SEMA3D: variants seen among roughly 807,000 people sequenced by gnomAD.
SEMA3D encodes the protein semaphorin-3D.
In SEMA3D, 84 loss-of-function variants were observed where a neutral mutation model predicts 100.1. The observed-to-expected ratio is 0.84, with a 90% confidence interval of 0.70 to 1.01. SEMA3D has a LOEUF of 1.01. SEMA3D is among the 50% of genes least tolerant of loss of function. SEMA3D has a pLI of 0.00. For missense variants in SEMA3D, 875 were observed against 934.1 expected (o/e 0.94, Z 0.82); for synonymous variants, 312 against 320.7 (o/e 0.97, Z 0.29).
chr7:85,192,475 C>T, the SEMA3D span, among the ~76,000 whole-genome samples: 1 of 152,028 alleles, frequency 6.6e-6, no homozygotes, highest in African/African-American at 2.4e-5. Context: ...GCTAGTAGGG[C>T]ACTTCTAATC....
chr7:85,052,662 T>C (rs1791199714), intron 9 of SEMA3D, among the ~76,000 whole-genome samples: 1 of 151,962 alleles, frequency 6.6e-6, no homozygotes, highest in Non-Finnish European at 1.5e-5. Flanking sequence ...CTCATAACTC[T>C]ATCACATCAC....
chr7:85,229,927 G>GA, the SEMA3D span, among the ~76,000 whole-genome samples: 2 of 151,742 alleles, frequency 1.3e-5, no homozygotes, highest in South Asian at 2.1e-4. Flanking sequence ...CAAAATAAAA[G>GA]AAAAAAACTC....
chr7:85,099,558 G>A (rs1788680639), intron 3 of SEMA3D, among the ~76,000 whole-genome samples: 1 of 151,832 alleles, frequency 6.6e-6, no homozygotes, highest in Non-Finnish European at 1.5e-5. Context: ...TTATACTAAG[G>A]AGCATGACTG....
At chr7:85,126,000 G>C (rs1718244725) in intron 2 of SEMA3D, among the ~76,000 whole-genome samples, 1 of 151,984 alleles carries the variant, frequency 6.6e-6, no homozygotes, top group Admixed American at 6.6e-5. Context: ...CAGCACTCTT[G>C]GGAATCTTCA....
chr7:85,110,675 G>T (rs1789069426), intron 3 of SEMA3D, among the ~76,000 whole-genome samples: 1 of 151,934 alleles, frequency 6.6e-6, no homozygotes, highest in Admixed American at 6.6e-5. Context: ...TCTTCAATAA[G>T]GTGTAGATTA....
intron 4 of SEMA3D, among the ~76,000 whole-genome samples, chr7:85,092,565 C>T (rs1788427438): frequency 6.6e-6 from 1 of 151,924 alleles, no homozygotes; most frequent in African/African-American, 2.4e-5. Context: ...TGTATAATTA[C>T]ACTAAGATAT....
intron 8 of SEMA3D, among the ~76,000 whole-genome samples, chr7:85,058,548 C>T (rs1227725765): frequency 1.3e-5 from 2 of 151,914 alleles, no homozygotes; most frequent in Non-Finnish European, 2.9e-5. Context: ...GAGATAGAGA[C>T]CATCCTGGCT....
chr7:85,160,615 T>A (rs376732739), intron 1 of SEMA3D, among the ~76,000 whole-genome samples: 5 of 151,860 alleles, frequency 3.3e-5, no homozygotes, highest in African/African-American at 1.2e-4. Context: ...GCACAGGAGG[T>A]AATGGGACCC....
At chr7:85,140,720 C>T (rs1220728950) in intron 2 of SEMA3D, 7 of 979,638 alleles carry the variant, frequency 7.1e-6, no homozygotes, top group Non-Finnish European at 7.3e-6. Flanking sequence ...CTATTTAATA[C>T]AAGTTTCTTC....
chr7:85,081,958 T>C (rs1207732730), intron 4 of SEMA3D, among the ~76,000 whole-genome samples: 4 of 152,244 alleles, frequency 2.6e-5, no homozygotes, highest in Non-Finnish European at 5.9e-5. Context: ...ATTATAAACA[T>C]GTGCCATGAA....
chr7:85,174,089 T>A (rs1025587092), intron 1 of SEMA3D, among the ~76,000 whole-genome samples: 10 of 152,104 alleles, frequency 6.6e-5, no homozygotes, highest in Non-Finnish European at 1.3e-4. Context: ...ACTCTGAACA[T>A]AACCTCCACA....
Position 85,022,493 on chromosome 7 carries a change from G to A in SEMA3D, c.1312C>T (p.Pro438Ser). The A allele has an allele frequency of 6.2e-7, 1 of 1,612,328 alleles. No homozygotes were observed. The highest frequency in any genetic ancestry group is 8.5e-7 in the Non-Finnish European group (1 of 1,178,840). Residue 438 changes from proline to serine, a missense_variant, in exon 13 of 19, where the codon CCA (proline) becomes TCA (serine). Transcript: ENST00000284136. ...TCCACATTGATTCTCTTGAACGTTG[G>A]TCCTCCTGCAACTGGGTATACGGAC... ...YKSVYPVAGG[P>S]TFKRINVDYR...
upstream of SEMA3D, among the ~76,000 whole-genome samples, chr7:85,188,764 C>T (rs554261639): frequency 5.9e-5 from 9 of 152,258 alleles, no homozygotes; most frequent in South Asian, 1.9e-3. Flanking sequence ...GCTTAATATG[C>T]TTAAACCAAA....
chr7:85,221,551 T>C, the SEMA3D span, among the ~76,000 whole-genome samples: 1 of 152,080 alleles, frequency 6.6e-6, no homozygotes, highest in African/African-American at 2.4e-5. Context: ...AGTGATAGCG[T>C]TTATTATGTT....
At chr7:85,214,173 T>C in the SEMA3D span, among the ~76,000 whole-genome samples, 1 of 152,200 alleles carries the variant, frequency 6.6e-6, no homozygotes, top group African/African-American at 2.4e-5. Context: ...CATATTGTTT[T>C]GGTTAGTTGA....
At chr7:85,052,496 C>T (rs377536745) in intron 9 of SEMA3D, among the ~76,000 whole-genome samples, 4 of 151,820 alleles carry the variant, frequency 2.6e-5, no homozygotes, top group South Asian at 2.1e-4. Flanking sequence ...AAAATAAAAA[C>T]GAAAAACAAA....
At chr7:85,041,347 C>T (rs1244937435) in intron 10 of SEMA3D, 1 of 152,074 alleles carries the variant, frequency 6.6e-6, no homozygotes, top group Non-Finnish European at 1.5e-5. Context: ...AGGTGTGAGC[C>T]ACCACACCTG....
rs117789638 is a variant in SEMA3D at position 85,162,779 on chromosome 7, A to G, written c.-172-9040T>C. Among the ~76,000 whole-genome samples, 1,104 of 152,272 alleles carry G rather than the reference A, an allele frequency of 7.3e-3. 11 individuals are homozygous for G. Among genetic ancestry groups the G allele is most frequent in the Middle Eastern group, 0.024 (7 of 294 alleles). On this transcript the variant is annotated intron_variant, in intron 1 of 18. Transcript: ENST00000284136. ...AAGCATATGCACAAAAAGAAACTTG[A>G]CAACGTCTTCCTAAATGCACCAAGG...
chr7:85,126,422 T>TC (rs1368611094), intron 2 of SEMA3D, among the ~76,000 whole-genome samples: 3 of 150,718 alleles, frequency 2.0e-5, no homozygotes, highest in Non-Finnish European at 3.0e-5. Flanking sequence ...TGTGTGTGTG[T>TC]GTGTGTGTGT....
Sources: allele counts gnomAD v4.1 joint callset (sites outside exome capture counted in the v4.1 genomes callset), GRCh38; gene constraint gnomAD v4.1.1; transcripts MANE v1.5; gene names NCBI Gene and HGNC (gene_info 2026-07-23, HGNC 2026-07-21).